LAMA2: variants seen among roughly 807,000 people sequenced by gnomAD.
LAMA2 encodes the protein laminin subunit alpha-2.
LAMA2 carries 269 observed loss-of-function variants against 364.8 expected under a neutral mutation model. The ratio of observed to expected loss-of-function variants is 0.74; its 90% CI spans 0.67 to 0.82. The LOEUF is 0.82. LAMA2 is among the 40% of genes least tolerant of loss of function. The probability of loss-of-function intolerance (pLI) is 0.00; values close to 1 mark genes in which losing one functional copy is unlikely to be tolerated. For synonymous variants in LAMA2, 1,379 were observed against 1,370.6 expected (o/e 1.01, Z -0.14); for missense variants, 3,807 against 3,873.2 (o/e 0.98, Z 0.45).
intron 53 of LAMA2, among the ~76,000 whole-genome samples, 170 bp from the exon 54 acceptor site, chr6:129,478,523 G>C (rs748927600): frequency 6.6e-6 from 1 of 152,128 alleles, no homozygotes; most frequent in African/African-American, 2.4e-5. Flanking sequence ...CATCCATTTA[G>C]ACCAACCAGT....
chr6:128,897,919 G>A (rs1776868550), intron 1 of LAMA2, among the ~76,000 whole-genome samples: 1 of 152,178 alleles, frequency 6.6e-6, no homozygotes, highest in African/African-American at 2.4e-5. Flanking sequence ...CACTTTTGAA[G>A]TTAGACATCG....
chr6:129,427,677 C>T lies in LAMA2; in HGVS notation c.5866-75C>T, dbSNP rs535548116. The T allele has an allele frequency of 3.8e-6, 4 of 1,040,316 alleles. No homozygotes were observed. The Admixed American group carries it at 6.8e-5, about 18-fold the overall frequency. The allele number at this position is 1,040,316 out of a possible 1,614,324, so 64.4% of individuals were successfully genotyped here. ...CTTTCCTAAAGGCAAACTCTGTGTA[C>T]CAACTGCCTTCTGGATCCCTCCACT... is the stretch of plus-strand genomic sequence containing the variant. On this transcript the variant is annotated intron_variant, in intron 40 of 64. Coordinates refer to ENST00000421865, the MANE Select transcript of LAMA2 (RefSeq NM_000426.4).
At chr6:129,099,114 G>GTTTTTTTTT (rs766080944) in intron 4 of LAMA2, among the ~76,000 whole-genome samples, 60 of 109,382 alleles carry the variant, frequency 5.5e-4, no homozygotes, top group African/African-American at 1.7e-3. Flanking sequence ...GGGCGGGGAG[G>GTTTTTTTTT]TTTTTTTTTT....
intron 53 of LAMA2, among the ~76,000 whole-genome samples, chr6:129,477,987 T>C (rs1048769902): frequency 9.9e-6 from 1 of 101,346 alleles, no homozygotes; most frequent in African/African-American, 3.0e-5. Context: ...AGGGTCTCAC[T>C]CTGTTGCCTC....
intron 15 of LAMA2, among the ~76,000 whole-genome samples, chr6:129,265,971 T>G (rs1454860047): frequency 1.3e-5 from 2 of 152,170 alleles, no homozygotes; most frequent in Non-Finnish European, 2.9e-5. Flanking sequence ...ATAAATTTTT[T>G]TATGTGTTCA....
intron 1 of LAMA2, among the ~76,000 whole-genome samples, chr6:129,032,110 G>A (rs984287720): frequency 2.0e-5 from 3 of 152,156 alleles, no homozygotes; most frequent in African/African-American, 7.2e-5. Flanking sequence ...GAGCCACCAG[G>A]CCCATCCTCT....
intron 37 of LAMA2, among the ~76,000 whole-genome samples, chr6:129,397,788 A>C (rs1397118669): frequency 6.6e-6 from 1 of 151,872 alleles, no homozygotes; most frequent in Non-Finnish European, 1.5e-5. Flanking sequence ...AAAATAAAAA[A>C]AATTAGCCAG....
intron 58 of LAMA2, among the ~76,000 whole-genome samples, chr6:129,501,537 C>G (rs1022739639): frequency 1.3e-5 from 2 of 152,174 alleles, no homozygotes; most frequent in African/African-American, 4.8e-5. Flanking sequence ...TAAAAATTTC[C>G]TGTGTGCTGA....
intron 3 of LAMA2, among the ~76,000 whole-genome samples, chr6:129,064,317 G>C: frequency 8.0e-6 from 1 of 124,240 alleles, no homozygotes; most frequent in East Asian, 2.4e-4. Flanking sequence ...ACGTCAAAAA[G>C]AAGAAAGATC....
intron 32 of LAMA2, among the ~76,000 whole-genome samples, chr6:129,362,256 C>T (rs1015276447): frequency 1.3e-5 from 2 of 152,116 alleles, no homozygotes; most frequent in Admixed American, 6.5e-5. Context: ...TCTTGTTGAT[C>T]GGACAGTCTC....
intron 1 of LAMA2, among the ~76,000 whole-genome samples, chr6:128,979,279 T>A (rs949865442): frequency 2.0e-4 from 30 of 152,174 alleles, no homozygotes; most frequent in African/African-American, 7.0e-4. Context: ...ATCAGATAAA[T>A]CCTCATGTTG....
intron 64 of LAMA2, 92 bp downstream of exon 64, chr6:129,514,687 G>A: frequency 1.0e-6 from 1 of 997,462 alleles, no homozygotes; most frequent in Non-Finnish European, 1.6e-6. Context: ...AAGAATGTGT[G>A]CTTATGTGTA....
intron 47 of LAMA2, among the ~76,000 whole-genome samples, chr6:129,454,940 G>C (rs1319274729): frequency 6.6e-6 from 1 of 152,136 alleles, no homozygotes; most frequent in Non-Finnish European, 1.5e-5. Flanking sequence ...GAAAGGTATG[G>C]TTAAGGGCCT....
At chr6:129,054,176 T>G (rs1756572094) in intron 2 of LAMA2, among the ~76,000 whole-genome samples, 1 of 152,122 alleles carries the variant, frequency 6.6e-6, no homozygotes, top group Non-Finnish European at 1.5e-5. Context: ...GAAGCAAACA[T>G]TTAGATTATG....
intron 16 of LAMA2, 73 bp downstream of exon 16, chr6:129,267,292 A>G: frequency 2.0e-6 from 2 of 1,020,480 alleles, no homozygotes; most frequent in South Asian, 1.3e-5. Flanking sequence ...CAATTCAGCT[A>G]CTACCCTGGG....
intron 3 of LAMA2, among the ~76,000 whole-genome samples, chr6:129,078,284 G>T (rs559787010): frequency 6.6e-6 from 1 of 151,832 alleles, no homozygotes; most frequent in Non-Finnish European, 1.5e-5. Flanking sequence ...ACAGGTGCGC[G>T]CCACTATACC....
chr6:129,340,751 C>A (rs1465493683), intron 29 of LAMA2, among the ~76,000 whole-genome samples: 6 of 149,518 alleles, frequency 4.0e-5, no homozygotes, highest in Admixed American at 4.0e-4. Flanking sequence ...GCAGGAGAAT[C>A]CCTTTATTCA....
chr6:129,169,935 C>T (rs1780021513), intron 9 of LAMA2, among the ~76,000 whole-genome samples: 1 of 150,250 alleles, frequency 6.7e-6, no homozygotes, highest in African/African-American at 2.5e-5. Context: ...TCTAGATTTT[C>T]TAGTTTATTT....
intron 59 of LAMA2, 51 bp from the exon 60 acceptor site, chr6:129,503,040 A>G: frequency 6.6e-7 from 1 of 1,517,820 alleles, no homozygotes; most frequent in Non-Finnish European, 9.2e-7. Context: ...CTATTTTAGC[A>G]TGAGAATGCT....
Sources: allele counts gnomAD v4.1 joint callset (sites outside exome capture counted in the v4.1 genomes callset), GRCh38; gene constraint gnomAD v4.1.1; transcripts MANE v1.5; gene names NCBI Gene and HGNC (gene_info 2026-07-23, HGNC 2026-07-21).